Variants in POMGNT2 observed in about 807,000 individuals in gnomAD.
POMGNT2 encodes protein O-linked-mannose beta-1,4-N-acetylglucosaminyltransferase 2.
Under a neutral mutation model 37.8 loss-of-function variants are expected in POMGNT2, and 32 were observed. The ratio of observed to expected loss-of-function variants is 0.85; its 90% CI spans 0.64 to 1.14. The LOEUF (loss-of-function observed/expected upper bound fraction) is 1.14, where lower values mean the gene tolerates loss of function less well. POMGNT2 is among the 50% of genes most tolerant of loss of function. POMGNT2 has a pLI of 0.00. For synonymous variants in POMGNT2, 340 were observed against 336.8 expected (o/e 1.01, Z -0.10); for missense variants, 705 against 780.6 (o/e 0.90, Z 1.15).
intron 1 of POMGNT2, among the ~76,000 whole-genome samples, chr3:43,088,244 T>C (rs534519824): frequency 1.3e-5 from 2 of 152,368 alleles, no homozygotes; most frequent in South Asian, 4.1e-4. Flanking sequence ...AGGCAGGCAC[T>C]GTCACTTTTC....
At chr3:43,087,731 G>C (rs183326267) in intron 1 of POMGNT2, 283 of 152,302 alleles carry the variant, frequency 1.9e-3, no homozygotes, top group African/African-American at 6.6e-3. Context: ...ACCTTTAAAG[G>C]TATCACTGAT....
chr3:43,086,139 T>C (rs1360579380), intron 1 of POMGNT2, among the ~76,000 whole-genome samples: 1 of 152,176 alleles, frequency 6.6e-6, no homozygotes, highest in Non-Finnish European at 1.5e-5. Context: ...TCCCAGGTGA[T>C]TCTGGGGTAC....
In POMGNT2 at chr3:43,081,814, G is replaced by A. The variant is rs541252060; in HGVS notation, c.-105-278C>T. Among the ~76,000 whole-genome samples the A allele has an allele frequency of 2.9e-4, 44 of 152,364 alleles. 1 individual carries two copies. In the South Asian group the frequency reaches 7.7e-3, roughly 27 times the overall value. On this transcript the variant is annotated intron_variant, in intron 1 of 1. Coordinates refer to ENST00000344697, the MANE Select transcript of POMGNT2 (RefSeq NM_032806.6). ...TTGGCCAGTGAGATGTCAGCAGACA[G>A]AACATAATCAAAGGTTTGGAAAGTG... is the stretch of plus-strand genomic sequence containing the variant.
In POMGNT2 at chr3:43,079,766, AGGT is replaced by A. The variant is rs1559413528; in HGVS notation, c.1663_1665del (p.Thr555del). 1 of 1,614,066 alleles carries A rather than the reference AGGT, an allele frequency of 6.2e-7. No individual in the cohort carries two copies. The highest frequency in any genetic ancestry group is 1.3e-5 in the African/African-American group (1 of 74,942). On this transcript the variant is annotated inframe_deletion, in exon 2 of 2. Transcript: ENST00000344697. ...AAGATGCAGCGGACCCACACCAGGT[AGGT>A]GGTGAAGGGCTTGATGTTCTCAGTG...
intron 1 of POMGNT2, among the ~76,000 whole-genome samples, chr3:43,100,871 G>A (rs963061736): frequency 1.3e-5 from 2 of 152,118 alleles, no homozygotes; most frequent in Non-Finnish European, 2.9e-5. Context: ...ATGCATTTTC[G>A]TGAGGAATTA....
At chr3:43,081,587 T>A in intron 1 of POMGNT2, 51 bp from the exon 2 acceptor site, 1 of 685,426 alleles carries the variant, frequency 1.5e-6, no homozygotes, top group Non-Finnish European at 2.4e-6. Flanking sequence ...CTTCCTGGCA[T>A]CATTACAAGC....
At chr3:43,103,927 A>C (rs2090037800) in intron 1 of POMGNT2, among the ~76,000 whole-genome samples, 1 of 152,154 alleles carries the variant, frequency 6.6e-6, no homozygotes, top group Non-Finnish European at 1.5e-5. Context: ...AAGGCAAAAC[A>C]CCATGTCTGA....
chr3:43,089,222 G>A (rs186893694), intron 1 of POMGNT2, among the ~76,000 whole-genome samples: 1 of 152,354 alleles, frequency 6.6e-6, no homozygotes, highest in Admixed American at 6.5e-5. Context: ...GGGCTTCAGT[G>A]AGCCCTGCAG....
At position 43,081,412 on chromosome 3, in the gene POMGNT2, A is replaced by G; in HGVS notation, c.20T>C (p.Phe7Ser). The change falls in exon 2 of 2, where the codon TTC becomes TCC. Residue 7 changes from phenylalanine to serine, a missense_variant. Phe to Ser is a radical substitution (Grantham distance 155, BLOSUM62 -2). Transcript: ENST00000344697. MHLSAV[F>S]NALLVSVLAA... ...CAGCACCGACACCAGGAGGGCGTTG[A>G]ACACCGCCGAGAGGTGCATCCTAAT... is the stretch of plus-strand genomic sequence containing the variant. The G allele has an allele frequency of 6.3e-7, 1 of 1,584,244 alleles. No homozygotes were observed. The highest frequency in any genetic ancestry group is 8.6e-7 in the Non-Finnish European group (1 of 1,166,882).
At position 43,084,357 on chromosome 3, in the gene POMGNT2, T is replaced by A. The variant is rs575423954; in HGVS notation, c.-105-2821A>T. On this transcript the variant is annotated intron_variant, in intron 1 of 1. Coordinates refer to ENST00000344697, the MANE Select transcript of POMGNT2 (RefSeq NM_032806.6). ...CCAATGCTAGATTAAAAAAAAAAAA[T>A]TGTATTGGCCAGGGGCGGTGGTTCA... Among the ~76,000 whole-genome samples, 4 of 151,878 alleles carry A rather than the reference T, an allele frequency of 2.6e-5. No homozygotes were observed. The East Asian group carries it at 7.7e-4, about 29-fold the overall frequency.
chr3:43,100,218 A>G (rs893832803), intron 1 of POMGNT2, among the ~76,000 whole-genome samples: 9 of 152,070 alleles, frequency 5.9e-5, no homozygotes, highest in African/African-American at 2.2e-4. Context: ...ATGTGACTTC[A>G]ACCAACTGTG....
intron 1 of POMGNT2, among the ~76,000 whole-genome samples, chr3:43,104,840 T>C (rs545221496): frequency 6.6e-6 from 1 of 152,292 alleles, no homozygotes; most frequent in East Asian, 1.9e-4. Flanking sequence ...AACCCCGTGA[T>C]AAAGGCACTG....
chr3:43,100,400 C>T (rs1354249251), intron 1 of POMGNT2, among the ~76,000 whole-genome samples: 1 of 152,102 alleles, frequency 6.6e-6, no homozygotes, highest in Admixed American at 6.5e-5. Context: ...AATAATGACA[C>T]CATTTTATAA....
chr3:43,082,128 A>G (rs2089862093), intron 1 of POMGNT2, among the ~76,000 whole-genome samples: 1 of 152,244 alleles, frequency 6.6e-6, no homozygotes, highest in Admixed American at 6.5e-5. Flanking sequence ...CTGCAGCAAA[A>G]GCTAACAAAG....
rs776247217 is a variant in POMGNT2 at position 43,080,582 on chromosome 3, G to A, written c.850C>T (p.Leu284=). The A allele has an allele frequency of 6.8e-6, 11 of 1,614,056 alleles. No individual in the cohort carries two copies. Among genetic ancestry groups the A allele is most frequent in the Non-Finnish European group, 7.6e-6 (9 of 1,180,014 alleles). ...KLNVSHTGVP[L]GEEYILVFSR... ...AAGACCAGAATGTACTCCTCGCCTA[G>A]GGGGACTCCTGTGTGGCTCACGTTC... Residue 284 remains leucine, a synonymous_variant, in exon 2 of 2, where the codon CTA becomes TTA. Coordinates refer to ENST00000344697, the MANE Select transcript of POMGNT2 (RefSeq NM_032806.6).
At chr3:43,097,099 C>T (rs2089985245) in intron 1 of POMGNT2, among the ~76,000 whole-genome samples, 1 of 152,162 alleles carries the variant, frequency 6.6e-6, no homozygotes, top group South Asian at 2.1e-4. Context: ...CTTCTGGGGG[C>T]CCTGGCCAGC....
At chr3:43,090,001 T>C (rs976936080) in intron 1 of POMGNT2, among the ~76,000 whole-genome samples, 2 of 152,106 alleles carry the variant, frequency 1.3e-5, no homozygotes, top group Admixed American at 1.3e-4. Flanking sequence ...GTGGCTGCCT[T>C]CTTAGCTGGG....
intron 1 of POMGNT2, among the ~76,000 whole-genome samples, chr3:43,092,595 G>A (rs962148791): frequency 2.6e-5 from 4 of 152,204 alleles, no homozygotes; most frequent in African/African-American, 7.2e-5. Flanking sequence ...ACCACACCCA[G>A]CTGAGAACAT....
chr3:43,098,864 T>C lies in POMGNT2; in HGVS notation c.-106+6972A>G, dbSNP rs2089997600. 6.6e-6 allele frequency among the ~76,000 whole-genome samples: 1 copy of C among 152,204 alleles called. No homozygotes were observed. The highest frequency in any genetic ancestry group is 1.5e-5 in the Non-Finnish European group (1 of 68,040). On this transcript the variant is annotated intron_variant, in intron 1 of 1. Transcript: ENST00000344697. This position sits in a 1 kb window ranked among gnomAD's most constrained non-coding sequence, Gnocchi z 4.3. The stretch of plus-strand genomic sequence containing the variant: ...ACGTTCGGCCTTCCACCAGCTCATA[T>C]GCAACCCTCTCACCGGTTTTCAGCC...
Sources: allele counts gnomAD v4.1 joint callset (sites outside exome capture counted in the v4.1 genomes callset), GRCh38; gene constraint gnomAD v4.1.1; non-coding constraint Gnocchi (gnomAD v3.1); transcripts MANE v1.5; gene names NCBI Gene and HGNC (gene_info 2026-07-23, HGNC 2026-07-21).